Variants in LINGO2 observed in about 807,000 individuals in gnomAD.
The protein encoded by LINGO2 is leucine-rich repeat and immunoglobulin-like domain-containing nogo receptor-interacting protein 2.
A neutral mutation model predicts 30.6 loss-of-function variants in LINGO2; 14 were observed. The ratio of observed to expected loss-of-function variants is 0.46; its 90% confidence interval spans 0.30 to 0.72. The LOEUF (loss-of-function observed/expected upper bound fraction) is 0.72, where lower values mean the gene tolerates loss of function less well. Ranked by LOEUF, LINGO2 falls within the 30% of genes least tolerant of loss-of-function variation. The probability of loss-of-function intolerance (pLI) is 0.07; values close to 1 mark genes in which losing one functional copy is unlikely to be tolerated. For synonymous variants in LINGO2, 317 were observed against 288.5 expected (o/e 1.10, Z -1.00); for missense variants, 729 against 751.7 (o/e 0.97, Z 0.35).
chr9:28,969,448 G>A, the LINGO2 span, among the ~76,000 whole-genome samples: 5 of 152,266 alleles, frequency 3.3e-5, no homozygotes, highest in African/African-American at 4.8e-5. Context: ...AAAAGGTAAC[G>A]GGACATAGTA....
chr9:28,990,321 C>T, the LINGO2 span, among the ~76,000 whole-genome samples: 2 of 152,314 alleles, frequency 1.3e-5, no homozygotes, highest in Non-Finnish European at 2.9e-5. Context: ...CACCATTGCC[C>T]AGATCTGCTT....
the LINGO2 span, among the ~76,000 whole-genome samples, chr9:29,162,802 G>A: frequency 1.3e-4 from 20 of 152,056 alleles, no homozygotes; most frequent in Non-Finnish European, 2.4e-4. Flanking sequence ...TAAAAGTGCA[G>A]CTGGAGAAAA....
intron 1 of LINGO2, among the ~76,000 whole-genome samples, chr9:28,558,015 A>T (rs1275155017): frequency 2.4e-5 from 2 of 82,918 alleles, no homozygotes; most frequent in Admixed American, 1.5e-4. Context: ...GGGAGGGGGG[A>T]GGGATAGCAT....
the LINGO2 span, among the ~76,000 whole-genome samples, chr9:28,906,594 G>A: frequency 2.0e-5 from 3 of 151,554 alleles, no homozygotes; most frequent in African/African-American, 7.3e-5. Flanking sequence ...TGCAGAAAGG[G>A]TGTCTAATCA....
chr9:28,730,077 A>C, the LINGO2 span, among the ~76,000 whole-genome samples: 1 of 152,154 alleles, frequency 6.6e-6, no homozygotes, highest in South Asian at 2.1e-4. Context: ...ATTAAATGTG[A>C]AGATAAGAAA....
chr9:28,625,739 T>C (rs1379447201), intron 1 of LINGO2, among the ~76,000 whole-genome samples: 2 of 152,098 alleles, frequency 1.3e-5, no homozygotes, highest in Non-Finnish European at 2.9e-5. Context: ...ACATTTGGGT[T>C]GTTTCCAGTT....
chr9:28,568,495 G>T (rs1292658368), intron 1 of LINGO2, among the ~76,000 whole-genome samples: 1 of 151,794 alleles, frequency 6.6e-6, no homozygotes, highest in African/African-American at 2.4e-5. Flanking sequence ...AACATTTTTT[G>T]AAAGTTCCCA....
intron 5 of LINGO2, among the ~76,000 whole-genome samples, chr9:27,998,707 G>A (rs931009023): frequency 5.9e-5 from 9 of 152,144 alleles, no homozygotes; most frequent in Non-Finnish European, 1.0e-4. Flanking sequence ...CTGAAACCAG[G>A]GAAGTGGAGG....
the LINGO2 span, among the ~76,000 whole-genome samples, chr9:29,101,051 T>A: frequency 1.3e-5 from 2 of 152,216 alleles, no homozygotes; most frequent in Admixed American, 1.3e-4. Context: ...GTTTTTACCA[T>A]TCTTCCTAAT....
At chr9:29,020,340 TA>T in the LINGO2 span, among the ~76,000 whole-genome samples, 1 of 152,206 alleles carries the variant, frequency 6.6e-6, no homozygotes, top group Admixed American at 6.5e-5. Context: ...GTAGGGCAGT[TA>T]TTTTTTTTAT....
chr9:28,357,319 A>ACC (rs1554710540), intron 3 of LINGO2, among the ~76,000 whole-genome samples: 1 of 74,792 alleles, frequency 1.3e-5, no homozygotes, highest in African/African-American at 4.3e-5. Flanking sequence ...AATAAAGCCC[A>ACC]CCCCCCCCAA....
the LINGO2 span, among the ~76,000 whole-genome samples, chr9:29,109,556 G>A: frequency 6.6e-6 from 1 of 152,120 alleles, no homozygotes; most frequent in East Asian, 1.9e-4. Flanking sequence ...AATTTGAAAT[G>A]TCTGAAAGTC....
intron 2 of LINGO2, among the ~76,000 whole-genome samples, chr9:28,414,921 C>A (rs1346785754): frequency 6.6e-6 from 1 of 151,648 alleles, no homozygotes; most frequent in Non-Finnish European, 1.5e-5. Context: ...AAAACAAGTC[C>A]AGAGTTAAAA....
chr9:28,552,989 C>T (rs186111668), intron 1 of LINGO2, among the ~76,000 whole-genome samples: 1 of 151,502 alleles, frequency 6.6e-6, no homozygotes, highest in East Asian at 1.9e-4. Flanking sequence ...TTGGTGAAAA[C>T]TTTTCTCCGA....
chr9:29,047,533 A>G, the LINGO2 span, among the ~76,000 whole-genome samples: 1 of 152,292 alleles, frequency 6.6e-6, no homozygotes, highest in South Asian at 2.1e-4. Flanking sequence ...GAATGGAGAA[A>G]AACTGAAAGA....
intron 2 of LINGO2, among the ~76,000 whole-genome samples, chr9:28,474,958 T>C (rs1475611263): frequency 1.3e-5 from 2 of 152,208 alleles, no homozygotes; most frequent in Non-Finnish European, 2.9e-5. Flanking sequence ...GTCTTCTTTT[T>C]ATCATTTCAT....
chr9:29,191,484 G>A, the LINGO2 span, among the ~76,000 whole-genome samples: 12 of 150,790 alleles, frequency 8.0e-5, no homozygotes, highest in Admixed American at 2.0e-4. Context: ...TTTTTTTGGC[G>A]GCAATGATTT....
chr9:28,524,646 G>A (rs553143572), intron 1 of LINGO2, among the ~76,000 whole-genome samples: 26 of 152,200 alleles, frequency 1.7e-4, no homozygotes, highest in Admixed American at 5.2e-4. Flanking sequence ...CCAGCTACTC[G>A]GGAGGCTAAG....
chr9:28,090,440 T>C (rs1197943808), intron 4 of LINGO2, among the ~76,000 whole-genome samples: 2 of 152,102 alleles, frequency 1.3e-5, no homozygotes, highest in African/African-American at 4.8e-5. Flanking sequence ...ATCCAACATA[T>C]AAACAGAACC....
Sources: gnomAD v4.1 joint callset for allele counts (sites outside exome capture counted in the v4.1 genomes callset) on GRCh38, gnomAD v4.1.1 for gene constraint, MANE v1.5 for transcripts, NCBI Gene and HGNC (gene_info 2026-07-23, HGNC 2026-07-21) for gene names.